The following TCF20 variants were observed in gnomAD, a reference collection of about 807,000 sequenced individuals.
The protein encoded by TCF20 is SPRE-binding protein.
Under a neutral mutation model 148.6 loss-of-function variants are expected in TCF20, and 3 were observed. The ratio of observed to expected loss-of-function variants is 0.02; its 90% CI spans 0.01 to 0.05. The LOEUF (loss-of-function observed/expected upper bound fraction) is 0.05, where lower values mean the gene tolerates loss of function less well. Among genes scored for constraint, TCF20 ranks in the 10% least tolerant of loss-of-function variants. The pLI is 1.00. For synonymous variants in TCF20, 1,049 were observed against 909.5 expected (o/e 1.15, Z -2.76); for missense variants, 2,350 against 2,429.3 (o/e 0.97, Z 0.69).
At chr22:42,268,156 T>A (rs199860117) in intron 1 of TCF20, among the ~76,000 whole-genome samples, 21 of 151,616 alleles carry the variant, frequency 1.4e-4, no homozygotes, top group African/African-American at 5.1e-4. Flanking sequence ...AATAAATAAG[T>A]AAATAAAAGG....
intron 1 of TCF20, among the ~76,000 whole-genome samples, chr22:42,251,150 GT>G (rs1375460520): frequency 6.6e-6 from 1 of 152,118 alleles, no homozygotes; most frequent in East Asian, 1.9e-4. Context: ...GTGTTGTCAT[GT>G]TTTTGTTTCT....
intron 2 of TCF20, among the ~76,000 whole-genome samples, chr22:42,202,502 ACT>A (rs1205660964): frequency 1.3e-5 from 2 of 152,076 alleles, no homozygotes; most frequent in Non-Finnish European, 2.9e-5. Context: ...AAGCAGTGTG[ACT>A]CTGGGGCTCT....
At chr22:42,293,883 C>A (rs1280174722) in intron 1 of TCF20, among the ~76,000 whole-genome samples, 3 of 152,176 alleles carry the variant, frequency 2.0e-5, no homozygotes, top group African/African-American at 7.2e-5. Flanking sequence ...GCCTGTAATC[C>A]CAGCTACTCA....
chr22:42,168,813 C>A, intron 4 of TCF20, 77 bp from the exon 5 acceptor site: 1 of 1,469,174 alleles, frequency 6.8e-7, no homozygotes, highest in African/African-American at 1.4e-5. Flanking sequence ...AAAGGGAGGA[C>A]AGGAGTGGCA....
rs1414265829 is a variant in TCF20 at position 42,214,183 on chromosome 22, A to G, written c.1123T>C (p.Ser375Pro). The G allele has an allele frequency of 6.2e-7, 1 of 1,614,122 alleles. No homozygotes were observed. The highest frequency in any genetic ancestry group is 8.5e-7 in the Non-Finnish European group (1 of 1,180,056). Residue 375 changes from serine to proline, a missense_variant, in exon 2 of 6, where the codon TCT becomes CCT. Physicochemically the swap from Ser to Pro is moderately conservative, Grantham distance 74 (BLOSUM62 -1). This residue lies in a region of TCF20 where 1,641 missense variants were observed against 1,662.6 expected (regional missense o/e 0.99). Coordinates refer to ENST00000677622, the MANE Select transcript of TCF20 (RefSeq NM_001378418.1). ...CTACAGCTTGGAGACTGAACCACAG[A>G]GGCAGCTGGAGAAGGGTTAGAAATG... is the stretch of plus-strand genomic sequence containing the variant. Reference protein sequence around the residue: ...SPISNPSPAASVVQSPSCSST... With the variant: ...SPISNPSPAAPVVQSPSCSST...
rs137863794 is a variant in TCF20, at chr22:42,215,109, G to C, written c.197C>G (p.Ala66Gly). 8 of 1,614,122 alleles carry C rather than the reference G, an allele frequency of 5.0e-6. No individual in the cohort carries two copies. In the Admixed American group the frequency reaches 6.7e-5, roughly 13 times the overall value. The part of the protein sequence containing the change: ...GGGRRGAAAA[A>G]AAMASETSGH... ...AGAGGTCTCGCTAGCCATCGCTGCC[G>C]CAGCAGCTGCTGCTCCTCGTCGTCC... Residue 66 changes from alanine (A) to glycine (G), a missense_variant, in exon 2 of 6, where the codon GCG (alanine) becomes GGG (glycine). Transcript: ENST00000677622.
intron 1 of TCF20, among the ~76,000 whole-genome samples, chr22:42,248,957 C>G (rs1786124627): frequency 6.6e-6 from 1 of 152,132 alleles, no homozygotes; most frequent in South Asian, 2.1e-4. Context: ...GTGTGTGTGT[C>G]TGTGAGGATG....
In TCF20 at chr22:42,179,659, T is replaced by G; in HGVS notation, c.5699A>C (p.Tyr1900Ser). 1 of 1,614,134 alleles carries G rather than the reference T, an allele frequency of 6.2e-7. No individual in the cohort carries two copies. Among genetic ancestry groups the G allele is most frequent in the Non-Finnish European group, 8.5e-7 (1 of 1,180,014 alleles). Residue 1900 changes from tyrosine to serine, a missense_variant, in exon 3 of 6, where the codon TAC (tyrosine) becomes TCC (serine). By Grantham distance (144) the Tyr-to-Ser change is moderately radical. This residue lies in a region of TCF20 where 30 missense variants were observed against 59.5 expected (regional missense o/e 0.50). Coordinates refer to ENST00000677622, the MANE Select transcript of TCF20 (RefSeq NM_001378418.1). ...GTATCGGAAGGAGCAGCCTTTGTTG[T>G]AGCAGCCCAAGGTGGCGCCTGCCTC... ...CQEAGATLGC[Y>S]NKGCSFRYHY...
intron 1 of TCF20, among the ~76,000 whole-genome samples, chr22:42,283,371 C>T (rs1316186081): frequency 6.6e-6 from 1 of 151,714 alleles, no homozygotes; most frequent in East Asian, 1.9e-4. Context: ...CGCACGGCGG[C>T]TGGATCTGGA....
At chr22:42,295,877 C>T (rs1304381785) in intron 1 of TCF20, among the ~76,000 whole-genome samples, 1 of 152,210 alleles carries the variant, frequency 6.6e-6, no homozygotes, top group Non-Finnish European at 1.5e-5. Flanking sequence ...AACCCATATA[C>T]CCATCCCCTC....
At chr22:42,222,611 A>T (rs2147251117) in intron 1 of TCF20, among the ~76,000 whole-genome samples, 1 of 152,174 alleles carries the variant, frequency 6.6e-6, no homozygotes, top group African/African-American at 2.4e-5. Flanking sequence ...CTTGGTCTCA[A>T]CTTGGAGCCT....
intron 2 of TCF20, among the ~76,000 whole-genome samples, chr22:42,190,407 C>T (rs913396157): frequency 6.6e-6 from 1 of 152,162 alleles, no homozygotes; most frequent in East Asian, 1.9e-4. Flanking sequence ...CTGCAGCCAA[C>T]TATGATCACA....
intron 3 of TCF20, among the ~76,000 whole-genome samples, chr22:42,171,636 A>G (rs1936137859): frequency 6.6e-6 from 1 of 152,328 alleles, no homozygotes; most frequent in South Asian, 2.1e-4. Flanking sequence ...GTGTTAATTT[A>G]AAACCCACAA....
At chr22:42,253,977 G>A (rs544259032) in intron 1 of TCF20, among the ~76,000 whole-genome samples, 3 of 151,584 alleles carry the variant, frequency 2.0e-5, no homozygotes, top group African/African-American at 7.3e-5. Flanking sequence ...TTGGGAGGCT[G>A]AGGCAGGAAA....
rs369122797 is a variant in TCF20, at chr22:42,209,820, G to C, written c.5486C>G (p.Pro1829Arg). Residue 1829 changes from proline (P) to arginine (R), a missense_variant, in exon 2 of 6, where the codon CCC becomes CGC. Pro to Arg is a moderately radical substitution (Grantham distance 103). Coordinates refer to ENST00000677622, the MANE Select transcript of TCF20 (RefSeq NM_001378418.1). ...KTVLDSKPSV[P>R]TTSEGGPELE... is the part of the protein sequence containing the mutation. ...CTCAGGGCCACCTTCTGAAGTGGTG[G>C]GCACGGAGGGCTTCGAGTCCAAAAC... The C allele has an allele frequency of 3.7e-6, 6 of 1,614,202 alleles. No homozygotes were observed. Among genetic ancestry groups the C allele is most frequent in the Non-Finnish European group, 5.1e-6 (6 of 1,180,036 alleles).
intron 1 of TCF20, among the ~76,000 whole-genome samples, chr22:42,253,894 T>G (rs1481942666): frequency 1.3e-5 from 2 of 151,950 alleles, no homozygotes; most frequent in South Asian, 4.1e-4. Context: ...CTGACCAACA[T>G]GGAGAAACCC....
rs374540476 is a variant in TCF20 at position 42,338,798 on chromosome 22, T to A, written c.-37+4681A>T. 1.1e-4 allele frequency among the ~76,000 whole-genome samples: 17 copies of A among 152,202 alleles called. No homozygotes were observed. Among genetic ancestry groups the A allele is most frequent in the South Asian group, 6.2e-4 (3 of 4,832 alleles). On this transcript the variant is annotated intron_variant, in intron 1 of 1. Coordinates refer to the TCF20 transcript ENST00000515426. This position sits in a 1 kb window ranked among gnomAD's most constrained non-coding sequence, Gnocchi z 4.0. ...AATATATCAAAGTCCAGATGACAGT[T>A]TATTTCAACACATCTCGTATTAAAT...
intron 3 of TCF20, among the ~76,000 whole-genome samples, chr22:42,176,803 G>C (rs1601528075): frequency 6.6e-6 from 1 of 152,300 alleles, no homozygotes; most frequent in East Asian, 1.9e-4. Flanking sequence ...TGATCTTACG[G>C]AAGTATTAAA....
At chr22:42,233,292 G>C (rs369445096) in intron 1 of TCF20, among the ~76,000 whole-genome samples, 121 of 152,270 alleles carry the variant, frequency 7.9e-4, no homozygotes, top group African/African-American at 2.7e-3. Context: ...CTGCAGATGA[G>C]GAAACAAAGG....
Sources: allele counts gnomAD v4.1 joint callset (sites outside exome capture counted in the v4.1 genomes callset), GRCh38; gene constraint gnomAD v4.1.1; regional missense constraint gnomAD v4.1.1; non-coding constraint Gnocchi (gnomAD v3.1); transcripts MANE v1.5; gene names NCBI Gene and HGNC (gene_info 2026-07-23, HGNC 2026-07-21).